PDE4D: variants seen among roughly 807,000 people sequenced by gnomAD.
PDE4D encodes 3',5'-cyclic-AMP phosphodiesterase 4D.
A neutral mutation model predicts 87.4 loss-of-function variants in PDE4D; 24 were observed. The ratio of observed to expected loss-of-function variants is 0.27; its 90% CI spans 0.20 to 0.39. The LOEUF (loss-of-function observed/expected upper bound fraction) is 0.39, where lower values mean the gene tolerates loss of function less well. Ranked by LOEUF, PDE4D falls within the 10% of genes least tolerant of loss-of-function variation. The probability of loss-of-function intolerance (pLI) is 1.00; values close to 1 mark genes in which losing one functional copy is unlikely to be tolerated. For missense variants in PDE4D, 714 were observed against 1,041.0 expected (o/e 0.69, Z 4.32); for synonymous variants, 384 against 383.2 (o/e 1.00, Z -0.02).
intron 3 of PDE4D, among the ~76,000 whole-genome samples, chr5:59,977,001 TC>T (rs1472020955): frequency 6.6e-6 from 1 of 152,178 alleles, no homozygotes; most frequent in African/African-American, 2.4e-5. Context: ...TTCTCTCTTT[TC>T]CTCAGGTCTC....
intron 2 of PDE4D, among the ~76,000 whole-genome samples, chr5:60,011,559 A>C (rs539831426): frequency 6.6e-6 from 1 of 152,268 alleles, no homozygotes; most frequent in Admixed American, 6.5e-5. Context: ...TATTACACAA[A>C]GTTTTTATTA....
At chr5:59,473,083 GAAAAA>G (rs10573988) in intron 1 of PDE4D, among the ~76,000 whole-genome samples, 7 of 92,110 alleles carry the variant, frequency 7.6e-5, no homozygotes, top group Non-Finnish European at 6.9e-5. Context: ...GCTTTCTCAT[GAAAAA>G]AAAAAAAAAA....
intron 1 of PDE4D, among the ~76,000 whole-genome samples, chr5:60,266,359 T>A (rs1750211759): frequency 6.6e-6 from 1 of 152,170 alleles, no homozygotes; most frequent in Admixed American, 6.5e-5. Context: ...ATAATTTTTA[T>A]AAAGAAGGAA....
chr5:59,251,940 A>G (rs1561814353), intron 1 of PDE4D, among the ~76,000 whole-genome samples: 1 of 152,174 alleles, frequency 6.6e-6, no homozygotes, highest in Admixed American at 6.6e-5. Flanking sequence ...CAAATACTGC[A>G]TGTTCTCACT....
At chr5:60,111,362 T>C (rs147462339) in intron 2 of PDE4D, among the ~76,000 whole-genome samples, 1 of 152,136 alleles carries the variant, frequency 6.6e-6, no homozygotes, top group East Asian at 1.9e-4. Flanking sequence ...TCAACAATAA[T>C]ATTAATGATA....
intron 1 of PDE4D, among the ~76,000 whole-genome samples, chr5:60,207,528 C>A (rs1742686586): frequency 6.6e-6 from 1 of 152,142 alleles, no homozygotes; most frequent in Non-Finnish European, 1.5e-5. Context: ...AAGATCATAA[C>A]CTTCTCTCAT....
intron 1 of PDE4D, among the ~76,000 whole-genome samples, chr5:59,567,657 T>C (rs1297069742): frequency 1.3e-5 from 2 of 152,134 alleles, no homozygotes; most frequent in African/African-American, 4.8e-5. Flanking sequence ...TTCTAAGGGT[T>C]TGAGAAAAAT....
At position 59,234,980 on chromosome 5, in the gene PDE4D, T is replaced by A. The variant is rs1342584132; in HGVS notation, c.456-19012A>T. On this transcript the variant is annotated intron_variant, in intron 1 of 14. Coordinates refer to ENST00000340635, the MANE Select transcript of PDE4D (RefSeq NM_001104631.2). ...ACTTTTAAAAATCTTAAAATATGACTGTTTCACCACTCTTTTTCTTTTTTT... is the reference window on the plus strand; with the variant it reads ...ACTTTTAAAAATCTTAAAATATGACAGTTTCACCACTCTTTTTCTTTTTTT... 3.9e-5 allele frequency among the ~76,000 whole-genome samples: 6 copies of A among 152,194 alleles called. No homozygotes were observed. In the East Asian group the frequency reaches 1.2e-3, roughly 29 times the overall value.
At chr5:59,715,066 T>G (rs1754796901) in intron 1 of PDE4D, among the ~76,000 whole-genome samples, 1 of 152,240 alleles carries the variant, frequency 6.6e-6, no homozygotes, top group African/African-American at 2.4e-5. Context: ...AGAGAAGCAG[T>G]TAGTAACTGC....
rs894958692 is a variant in PDE4D at position 59,039,213 on chromosome 5, G to A, written c.809-242C>T. The A allele has an allele frequency of 1.1e-5, 14 of 1,293,682 alleles. No homozygotes were observed. The African/African-American group carries it at 1.9e-4, about 17-fold the overall frequency. The allele number at this position is 1,293,682 out of a possible 1,614,324, so 80.1% of individuals were successfully genotyped here. A position where few individuals can be genotyped will look rare whatever the true frequency, so the allele number is the denominator to read the frequency against. ...CTTGGCGTCTCGGGTCGGCCTCCAG[G>A]GAGGGCGTGCAAAGAGCGGCGAGCC... On this transcript the variant is annotated intron_variant, in intron 5 of 14. Coordinates refer to ENST00000340635, the MANE Select transcript of PDE4D (RefSeq NM_001104631.2).
Position 60,457,248 on chromosome 5 carries a change from A to G in PDE4D, c.-90+30694T>C, listed in dbSNP as rs926413379. On this transcript the variant is annotated intron_variant, in intron 1 of 16. Coordinates refer to the PDE4D transcript ENST00000502484. ...CTTTAATAATATTATAAAATAACAC[A>G]AGGATACAAATCAGTGAGTAATAAG... is the stretch of plus-strand genomic sequence containing the variant. Among the ~76,000 whole-genome samples, 9 of 152,192 alleles carry G rather than the reference A, an allele frequency of 5.9e-5. No individual in the cohort carries two copies. The South Asian group carries it at 1.9e-3, about 31-fold the overall frequency.
At chr5:59,340,503 C>T (rs1316878752) in intron 1 of PDE4D, among the ~76,000 whole-genome samples, 1 of 152,132 alleles carries the variant, frequency 6.6e-6, no homozygotes, top group African/African-American at 2.4e-5. Flanking sequence ...AGGTATCCAT[C>T]ACCTCAATAA....
intron 6 of PDE4D, among the ~76,000 whole-genome samples, chr5:59,027,401 C>G (rs903930366): frequency 6.6e-6 from 1 of 152,014 alleles, no homozygotes; most frequent in African/African-American, 2.4e-5. Flanking sequence ...AGAAGGAAGT[C>G]AATATGCACA....
chr5:59,330,676 CT>C (rs930398880), intron 1 of PDE4D, among the ~76,000 whole-genome samples: 1 of 152,054 alleles, frequency 6.6e-6, no homozygotes, highest in Admixed American at 6.6e-5. Flanking sequence ...AAAATAATGT[CT>C]TTTAGTTTAT....
upstream of PDE4D, among the ~76,000 whole-genome samples, chr5:59,895,759 C>T (rs1027240207): frequency 2.6e-5 from 4 of 152,146 alleles, no homozygotes; most frequent in East Asian, 1.9e-4. Flanking sequence ...TACCTCTATC[C>T]GAAACTCTTA....
chr5:60,086,098 TA>T (rs1219313533), intron 2 of PDE4D, among the ~76,000 whole-genome samples: 1 of 152,198 alleles, frequency 6.6e-6, no homozygotes, highest in Non-Finnish European at 1.5e-5. Context: ...TAGCCAAAAA[TA>T]CCACACACTG....
At chr5:59,444,147 CTT>C (rs1320615082) in intron 1 of PDE4D, among the ~76,000 whole-genome samples, 1 of 152,132 alleles carries the variant, frequency 6.6e-6, no homozygotes, top group African/African-American at 2.4e-5. Context: ...GGGTACTTGT[CTT>C]TTTTGCTTTG....
At chr5:59,674,722 G>A (rs748364750) in intron 1 of PDE4D, among the ~76,000 whole-genome samples, 1 of 152,100 alleles carries the variant, frequency 6.6e-6, no homozygotes, top group Admixed American at 6.5e-5. Context: ...CAAAAGGGTG[G>A]AAATGAGAAA....
At chr5:60,433,908 C>T (rs1027906327) in intron 1 of PDE4D, among the ~76,000 whole-genome samples, 20 of 152,042 alleles carry the variant, frequency 1.3e-4, no homozygotes, top group African/African-American at 3.4e-4. Context: ...GGACAGACAG[C>T]GGGGCCTATT....
Sources: allele counts gnomAD v4.1 joint callset (sites outside exome capture counted in the v4.1 genomes callset), GRCh38; gene constraint gnomAD v4.1.1; transcripts MANE v1.5; gene names NCBI Gene and HGNC (gene_info 2026-07-23, HGNC 2026-07-21).